Variants in DAB1 observed in about 807,000 individuals in gnomAD.
DAB1 encodes disabled homolog 1.
A neutral mutation model predicts 64.6 loss-of-function variants in DAB1; 15 were observed. The ratio of observed to expected loss-of-function variants is 0.23; its 90% CI spans 0.16 to 0.36. The LOEUF (loss-of-function observed/expected upper bound fraction) is 0.36. Among genes scored for constraint, DAB1 ranks in the 10% least tolerant of loss-of-function variants. DAB1 has a pLI of 1.00. For synonymous variants in DAB1, 235 were observed against 251.9 expected, an observed-to-expected ratio of 0.93 and a Z score of 0.64; for missense variants, 596 against 706.7, an observed-to-expected ratio of 0.84 and a Z score of 1.78.
chr1:57,893,181 G>T (rs939788383), intron 5 of DAB1, among the ~76,000 whole-genome samples: 1 of 152,046 alleles, frequency 6.6e-6, no homozygotes, highest in African/African-American at 2.4e-5. Flanking sequence ...GTGCTCAAGA[G>T]AATATTATAT....
intron 2 of DAB1, among the ~76,000 whole-genome samples, chr1:57,173,553 G>A (rs1348619610): frequency 7.9e-5 from 12 of 152,216 alleles, no homozygotes; most frequent in East Asian, 1.9e-4. Context: ...TCTGAAACCC[G>A]AAACACTGCT....
chr1:57,259,146 T>C (rs561402559), intron 2 of DAB1, among the ~76,000 whole-genome samples: 3 of 152,330 alleles, frequency 2.0e-5, no homozygotes, highest in East Asian at 3.9e-4. Context: ...TGTACCAACA[T>C]TCTATCCTTT....
chr1:58,200,261 C>T (rs1465599670), intron 4 of DAB1, among the ~76,000 whole-genome samples: 1 of 152,072 alleles, frequency 6.6e-6, no homozygotes, highest in Non-Finnish European at 1.5e-5. Context: ...ACACCAAGTC[C>T]AATCAGCTCC....
intron 4 of DAB1, among the ~76,000 whole-genome samples, chr1:58,229,321 G>C (rs187474000): frequency 6.6e-6 from 1 of 152,144 alleles, no homozygotes; most frequent in African/African-American, 2.4e-5. Flanking sequence ...TATCTCTTAC[G>C]TGCATTTTGA....
intron 4 of DAB1, among the ~76,000 whole-genome samples, chr1:58,198,366 T>C (rs774854556): frequency 1.3e-5 from 2 of 152,222 alleles, no homozygotes; most frequent in Non-Finnish European, 2.9e-5. Context: ...TATTCCTTTT[T>C]TCATTCAAAA....
intron 5 of DAB1, among the ~76,000 whole-genome samples, chr1:57,906,121 A>G (rs1457254656): frequency 2.0e-5 from 3 of 152,184 alleles, no homozygotes; most frequent in Non-Finnish European, 4.4e-5. Flanking sequence ...AAGGATTCTT[A>G]AAAAGCAGAA....
chr1:57,054,471 T>TAA (rs1491508557), intron 9 of DAB1, among the ~76,000 whole-genome samples: 141 of 52,792 alleles, frequency 2.7e-3, no homozygotes, highest in African/African-American at 7.2e-3. Context: ...AGGAATGTGC[T>TAA]TTTTTTTTTT....
chr1:57,949,318 A>C (rs1645231603), intron 5 of DAB1, among the ~76,000 whole-genome samples: 1 of 152,154 alleles, frequency 6.6e-6, no homozygotes, highest in South Asian at 2.1e-4. Context: ...TACCCTGCTC[A>C]TCTGACAGGA....
intron 4 of DAB1, among the ~76,000 whole-genome samples, chr1:58,323,988 T>A (rs965949765): frequency 6.6e-6 from 1 of 150,726 alleles, no homozygotes; most frequent in Non-Finnish European, 1.5e-5. Flanking sequence ...TAAAAAAAAA[T>A]TAAAAACAAG....
chr1:57,172,086 G>A (rs772493064), intron 2 of DAB1, among the ~76,000 whole-genome samples: 2 of 152,092 alleles, frequency 1.3e-5, no homozygotes, highest in Non-Finnish European at 2.9e-5. Flanking sequence ...ACATTATCCT[G>A]ATCTCTGCTA....
intron 12 of DAB1, 70 bp downstream of exon 12, chr1:57,014,813 C>T: frequency 7.3e-7 from 1 of 1,361,890 alleles, no homozygotes; most frequent in South Asian, 1.5e-5. Context: ...TATTTGACTC[C>T]AGAAACCCCG....
At chr1:58,144,321 G>C (rs1034485038) in intron 5 of DAB1, among the ~76,000 whole-genome samples, 2 of 152,102 alleles carry the variant, frequency 1.3e-5, no homozygotes, top group Non-Finnish European at 2.9e-5. Context: ...AAACTGACTT[G>C]GCAAGTAAAG....
chr1:57,516,851 C>T (rs1215221239), intron 7 of DAB1, among the ~76,000 whole-genome samples: 1 of 152,198 alleles, frequency 6.6e-6, no homozygotes, highest in Non-Finnish European at 1.5e-5. Flanking sequence ...TCAAGTCCAG[C>T]TGCAAGTAAG....
intron 5 of DAB1, among the ~76,000 whole-genome samples, chr1:57,900,630 T>C (rs1480909033): frequency 1.3e-5 from 2 of 152,202 alleles, no homozygotes; most frequent in Non-Finnish European, 2.9e-5. Flanking sequence ...CACAAGTTTT[T>C]AGACCTTTGT....
Position 58,018,545 on chromosome 1 carries a change from G to A in DAB1, n.387+131966C>T, listed in dbSNP as rs183699602. Among the ~76,000 whole-genome samples, 63 of 152,320 alleles carry A rather than the reference G, an allele frequency of 4.1e-4. 1 individual carries two copies. The highest frequency in any genetic ancestry group is 3.7e-3 in the Admixed American group (56 of 15,304). On this transcript the variant is annotated intron_variant and non_coding_transcript_variant, in intron 5 of 20. Transcript: ENST00000485760. ...ATAAAACCACTGACCTCTGGAGCCA[G>A]GGACTCAAAATGGGCATTGGTCCAG...
chr1:57,529,349 A>C (rs1274127974), intron 7 of DAB1, among the ~76,000 whole-genome samples: 1 of 152,134 alleles, frequency 6.6e-6, no homozygotes, highest in Non-Finnish European at 1.5e-5. Context: ...TAAAAAACAA[A>C]TACCAAGATG....
intron 5 of DAB1, among the ~76,000 whole-genome samples, chr1:58,004,222 T>G (rs1244467091): frequency 1.3e-5 from 2 of 152,226 alleles, no homozygotes; most frequent in Non-Finnish European, 2.9e-5. Flanking sequence ...GGGTCAGTAG[T>G]AATACACATT....
chr1:57,436,022 T>C (rs554952910), intron 7 of DAB1, among the ~76,000 whole-genome samples: 1 of 150,390 alleles, frequency 6.6e-6, no homozygotes, highest in African/African-American at 2.4e-5. Context: ...GTTCAAGCAA[T>C]TCTCCTGTCT....
chr1:57,001,196 G>C (rs1222911714), intron 14 of DAB1, among the ~76,000 whole-genome samples: 1 of 152,184 alleles, frequency 6.6e-6, no homozygotes, highest in East Asian at 1.9e-4. Context: ...TTCCAACCTG[G>C]CCTCTGTCAA....
Sources: gnomAD v4.1 joint callset for allele counts (sites outside exome capture counted in the v4.1 genomes callset) on GRCh38, gnomAD v4.1.1 for gene constraint, MANE v1.5 for transcripts, NCBI Gene and HGNC (gene_info 2026-07-23, HGNC 2026-07-21) for gene names.